ACSS3: variants seen among roughly 807,000 people sequenced by gnomAD.
ACSS3 encodes the protein acyl-CoA synthetase short-chain family member 3, mitochondrial.
In ACSS3, 64 loss-of-function variants were observed where a neutral mutation model predicts 84.2. The observed-to-expected ratio is 0.76, with a 90% CI of 0.62 to 0.94. ACSS3 has a LOEUF of 0.94. ACSS3 is among the 40% of genes least tolerant of loss of function. ACSS3 has a pLI of 0.00. For synonymous variants in ACSS3, 317 were observed against 310.1 expected, an observed-to-expected ratio of 1.02 and a Z score of -0.23; for missense variants, 815 against 867.6, an observed-to-expected ratio of 0.94 and a Z score of 0.76.
intron 9 of ACSS3, among the ~76,000 whole-genome samples, chr12:81,203,301 A>G (rs7295475): frequency 0.014 from 2,205 of 152,254 alleles, 24 homozygotes; most frequent in Non-Finnish European, 0.021. Context: ...GCACTGAGGA[A>G]AGATCTTCTC....
intron 15 of ACSS3, 121 bp from the exon 16 acceptor site, chr12:81,254,736 A>G: frequency 1.4e-6 from 1 of 724,434 alleles, no homozygotes; most frequent in Non-Finnish European, 2.1e-6. Flanking sequence ...CTATTTTTAA[A>G]CTTTCCATAT....
rs150172100 is a variant in ACSS3, at chr12:81,164,164, C to T, written c.1099-10624C>T. ...GTGTAGCATTTTTTATCTTTTATAC[C>T]ATATTTTTACTGTTATTTTTCTATG... On this transcript the variant is annotated intron_variant, in intron 7 of 15. Transcript: ENST00000548058. Among the ~76,000 whole-genome samples the T allele has an allele frequency of 2.0e-5, 3 of 152,182 alleles. No individual in the cohort carries two copies. The East Asian group carries it at 5.8e-4, about 29-fold the overall frequency.
chr12:81,196,654 A>G (rs1476631879), intron 8 of ACSS3, among the ~76,000 whole-genome samples: 1 of 152,050 alleles, frequency 6.6e-6, no homozygotes, highest in Non-Finnish European at 1.5e-5. Flanking sequence ...ATTTCGGCTC[A>G]TGGGTCTGCA....
chr12:81,223,748 A>G (rs183531990), intron 11 of ACSS3, among the ~76,000 whole-genome samples: 3 of 152,144 alleles, frequency 2.0e-5, no homozygotes, highest in Admixed American at 1.3e-4. Flanking sequence ...TAAGGACCCC[A>G]TAGGAAATAC....
rs2034388686 is a variant in ACSS3 at position 81,258,160 on chromosome 12, C to G, written c.*3238C>G. 6.6e-6 allele frequency: 1 copy of G among 151,994 alleles called. No homozygotes were observed. Among genetic ancestry groups the G allele is most frequent in the African/African-American group, 2.4e-5 (1 of 41,394 alleles). The allele number at this position is 151,994 out of a possible 1,614,324, so 9.4% of individuals were successfully genotyped here. A position where few individuals can be genotyped will look rare whatever the true frequency, so the allele number is the denominator to read the frequency against. ...TTAGATCTCCCTCTTGTGGCAGACT[C>G]AATTTTGAAGCTAAATATTTGGGTC... On this transcript the variant is annotated 3_prime_UTR_variant, in exon 16 of 16. Transcript: ENST00000548058.
At chr12:81,110,657 G>A (rs1280361869) in intron 2 of ACSS3, among the ~76,000 whole-genome samples, 2 of 152,116 alleles carry the variant, frequency 1.3e-5, no homozygotes, top group Non-Finnish European at 1.5e-5. Context: ...TACATGGCAC[G>A]ACATTTAGCA....
intron 5 of ACSS3, 115 bp from the exon 6 acceptor site, chr12:81,151,729 T>G: frequency 1.3e-6 from 1 of 796,518 alleles, no homozygotes. Flanking sequence ...CAAAGTAACT[T>G]GTAGCTAATA....
chr12:81,096,033 C>A (rs1204862395), intron 1 of ACSS3, among the ~76,000 whole-genome samples: 1 of 152,190 alleles, frequency 6.6e-6, no homozygotes, highest in Non-Finnish European at 1.5e-5. Flanking sequence ...TTTCCTGGAA[C>A]AGTCAGTTGA....
chr12:81,107,180 G>A (rs568172565), intron 1 of ACSS3, among the ~76,000 whole-genome samples: 1 of 151,876 alleles, frequency 6.6e-6, no homozygotes, highest in Non-Finnish European at 1.5e-5. Flanking sequence ...AAACTGTAGC[G>A]TGAGCTAAGG....
rs1206973315 is a variant in ACSS3 at position 81,256,638 on chromosome 12, GATAA to G, written c.*1720_*1723del. The G allele has an allele frequency of 6.6e-6, 1 of 152,206 alleles. No homozygotes were observed. The highest frequency in any genetic ancestry group is 1.9e-4 in the East Asian group (1 of 5,176). 9.4% of individuals were successfully genotyped at this position (152,206 alleles called of 1,614,324 possible). A position where few individuals can be genotyped will look rare whatever the true frequency, so the allele number is the denominator to read the frequency against. ...CAGGATACATGAAATGTATGTGAGA[GATAA>G]ATAGATAATAGAAAGTTTATTGTTA... On this transcript the variant is annotated 3_prime_UTR_variant, in exon 16 of 16. Transcript: ENST00000548058.
At chr12:81,236,943 A>G (rs1308807781) in intron 13 of ACSS3, among the ~76,000 whole-genome samples, 5 of 151,344 alleles carry the variant, frequency 3.3e-5, no homozygotes, top group Non-Finnish European at 1.5e-5. Flanking sequence ...TTTTTCCTAC[A>G]TGAGTAGCCA....
intron 2 of ACSS3, chr12:81,125,502 A>G (rs983444785): frequency 6.6e-6 from 1 of 152,044 alleles, no homozygotes; most frequent in African/African-American, 2.4e-5. Context: ...TCTATATACC[A>G]TTCTGCCCTC....
chr12:81,190,223 C>T (rs2031495954), intron 8 of ACSS3, among the ~76,000 whole-genome samples: 1 of 151,132 alleles, frequency 6.6e-6, no homozygotes, highest in Non-Finnish European at 1.5e-5. Flanking sequence ...GAGAGAGAGA[C>T]TTTACATTGA....
rs985837557 is a variant in ACSS3, at chr12:81,151,775, A to T, written c.922-69A>T. The T allele has an allele frequency of 1.8e-5, 25 of 1,366,716 alleles. No homozygotes were observed. The South Asian group carries it at 3.1e-4, about 17-fold the overall frequency. 84.7% of individuals were successfully genotyped at this position (1,366,716 alleles called of 1,614,324 possible). A position where few individuals can be genotyped will look rare whatever the true frequency, so the allele number is the denominator to read the frequency against. ...TTTTGACCAGGAACTTTTAAAGTGG[A>T]TGCTATGAAGATAGAGAGTGTTTTT... On this transcript the variant is annotated intron_variant, in intron 5 of 15. Transcript: ENST00000548058.
At chr12:81,102,968 A>C (rs1804657729) in intron 1 of ACSS3, among the ~76,000 whole-genome samples, 1 of 152,240 alleles carries the variant, frequency 6.6e-6, no homozygotes. Flanking sequence ...TTTAATGTGC[A>C]CACATGTGTT....
In ACSS3 at chr12:81,078,169, C is replaced by T. The variant is rs375488454; in HGVS notation, c.49C>T (p.Leu17Phe). Residue 17 changes from leucine (L) to phenylalanine (F), a missense_variant, in exon 1 of 16, where the codon CTC becomes TTC. Leu to Phe is a conservative substitution (Grantham distance 22, BLOSUM62 0). Transcript: ENST00000548058. ...TCGTAAAGTCACCAGCGCCGGGGGG[C>T]TCGGAGGGCCCTTGCCTGGGTCCTC... ...QCRKVTSAGG[L>F]GGPLPGSSPA... 286 of 1,521,292 alleles carry T rather than the reference C, an allele frequency of 1.9e-4. No individual in the cohort carries two copies. The highest frequency in any genetic ancestry group is 5.4e-4 in the Middle Eastern group (3 of 5,574). 94.2% of individuals were successfully genotyped at this position (1,521,292 alleles called of 1,614,324 possible).
chr12:81,161,530 A>C (rs892123880), intron 7 of ACSS3, among the ~76,000 whole-genome samples: 3 of 152,248 alleles, frequency 2.0e-5, no homozygotes, highest in Admixed American at 6.5e-5. Flanking sequence ...TGAAAACTTC[A>C]TAGTATTCAG....
chr12:81,169,889 C>T (rs1250104015), intron 7 of ACSS3, among the ~76,000 whole-genome samples: 1 of 152,008 alleles, frequency 6.6e-6, no homozygotes, highest in African/African-American at 2.4e-5. Context: ...TGCTACTAGT[C>T]GATAAAGGAT....
chr12:81,173,296 G>A (rs920353814), intron 7 of ACSS3, among the ~76,000 whole-genome samples: 1 of 152,262 alleles, frequency 6.6e-6, no homozygotes, highest in African/African-American at 2.4e-5. Context: ...TTATTTGCAT[G>A]TGTTGATTTG....
Sources: allele counts gnomAD v4.1 joint callset (sites outside exome capture counted in the v4.1 genomes callset), GRCh38; gene constraint gnomAD v4.1.1; transcripts MANE v1.5; gene names NCBI Gene and HGNC (gene_info 2026-07-23, HGNC 2026-07-21).